The following TRIQK variants were observed in gnomAD, a reference collection of about 807,000 sequenced individuals.
The protein encoded by TRIQK is triple QxxK/R motif-containing protein.
TRIQK carries 10 observed loss-of-function variants against 10.8 expected under a neutral mutation model. The observed-to-expected ratio is 0.92, with a 90% confidence interval of 0.57 to 1.57. The LOEUF is 1.57. Ranked by LOEUF, TRIQK falls within the 40% of genes most tolerant of loss-of-function variation. The pLI, the probability that TRIQK is intolerant of heterozygous loss-of-function variation, is 0.00. For synonymous variants in TRIQK, 33 were observed against 33.7 expected (o/e 0.98, Z 0.07); for missense variants, 107 against 97.7 (o/e 1.09, Z -0.40).
intron 3 of TRIQK, among the ~76,000 whole-genome samples, chr8:92,893,017 T>G (rs1816838717): frequency 6.6e-6 from 1 of 152,010 alleles, no homozygotes; most frequent in South Asian, 2.1e-4. Flanking sequence ...ATTCTTATTT[T>G]GTTTTATTTT....
chr8:92,995,558 T>A (rs1394621301), intron 1 of TRIQK, among the ~76,000 whole-genome samples: 1 of 152,028 alleles, frequency 6.6e-6, no homozygotes, highest in Non-Finnish European at 1.5e-5. Context: ...TTTTTTCACA[T>A]TTTATTTTCA....
At chr8:92,973,651 T>C (rs1812898985) in intron 1 of TRIQK, 1 of 152,148 alleles carries the variant, frequency 6.6e-6, no homozygotes, top group South Asian at 2.1e-4. Context: ...TTAGTAAGGA[T>C]AAAATTTTTG....
chr8:92,975,635 T>A (rs537225137), intron 1 of TRIQK, among the ~76,000 whole-genome samples: 1 of 152,092 alleles, frequency 6.6e-6, no homozygotes, highest in Non-Finnish European at 1.5e-5. Context: ...CTTTTATTTT[T>A]ATTTTTTTCT....
At position 92,897,463 on chromosome 8, in the gene TRIQK, C is replaced by T. The variant is rs549225223; in HGVS notation, c.62-5389G>A. On this transcript the variant is annotated intron_variant, in intron 3 of 4. Coordinates refer to ENST00000521988, the MANE Select transcript of TRIQK (RefSeq NM_001171797.2). ...TTAAGAGATTATTAGGTCATAAGGG[C>T]TCTGCCCTCATGAATGAATTAGTTA... Among the ~76,000 whole-genome samples, 200 of 152,206 alleles carry T rather than the reference C, an allele frequency of 1.3e-3. 1 individual carries two copies. Among genetic ancestry groups the T allele is most frequent in the Non-Finnish European group, 1.7e-3 (115 of 68,022 alleles).
intron 2 of TRIQK, among the ~76,000 whole-genome samples, chr8:92,929,845 T>C (rs946708676): frequency 2.6e-5 from 4 of 152,166 alleles, no homozygotes; most frequent in East Asian, 3.8e-4. Flanking sequence ...GTTAATCTTC[T>C]GGATTATATT....
rs541118938 is a variant in TRIQK at position 92,899,136 on chromosome 8, A to C, written c.62-7062T>G. ...GTAACTGGGTTTACAGGCACATGAC[A>C]CCATGGCCAGCTAATTTTTGTATTT... On this transcript the variant is annotated intron_variant, in intron 3 of 4. Transcript: ENST00000521988. 6.0e-5 allele frequency among the ~76,000 whole-genome samples: 9 copies of C among 150,890 alleles called. No individual in the cohort carries two copies. The East Asian group carries it at 1.6e-3, about 26-fold the overall frequency.
At chr8:93,012,889 T>C (rs1296208390) in intron 1 of TRIQK, among the ~76,000 whole-genome samples, 1 of 152,202 alleles carries the variant, frequency 6.6e-6, no homozygotes, top group Non-Finnish European at 1.5e-5. Flanking sequence ...TAGCTCTAGA[T>C]GTATTGAATC....
intron 3 of TRIQK, among the ~76,000 whole-genome samples, chr8:92,904,945 T>C (rs551271432): frequency 6.6e-6 from 1 of 152,252 alleles, no homozygotes; most frequent in African/African-American, 2.4e-5. Flanking sequence ...CACACCTTAC[T>C]TACCATTACC....
chr8:92,886,637 G>T lies in TRIQK; in HGVS notation c.246C>A (p.Asp82Glu), dbSNP rs1394796357. The T allele has an allele frequency of 1.3e-6, 2 of 1,521,978 alleles. No homozygotes were observed. Among genetic ancestry groups the T allele is most frequent in the Non-Finnish European group, 1.8e-6 (2 of 1,137,864 alleles). The allele number at this position is 1,521,978 out of a possible 1,614,324, so 94.3% of individuals were successfully genotyped here. Residue 82 changes from aspartate (D) to glutamate (E), a missense_variant, in exon 5 of 5, where the codon GAC (aspartate) becomes GAA (glutamate). Asp to Glu is a conservative substitution (Grantham distance 45). Coordinates refer to ENST00000521988, the MANE Select transcript of TRIQK (RefSeq NM_001171797.2). ...RLTTDVDPDL[D>E]QDED ...TGTTGCTTAGCTAATCTTCATCTTG[G>T]TCCAGATCAGGGTCAACATCCGTGG...
chr8:92,912,444 T>C lies in TRIQK; in HGVS notation c.61+4485A>G, dbSNP rs183006205. ...AGGTAGTACTGAGAAAAAAGTTTAT[T>C]AACAATAAACAACTAGATTTAAAAA... On this transcript the variant is annotated intron_variant, in intron 3 of 4. Transcript: ENST00000521988. Among the ~76,000 whole-genome samples the C allele has an allele frequency of 2.6e-5, 4 of 151,842 alleles. No individual in the cohort carries two copies. In the East Asian group the frequency reaches 5.8e-4, roughly 22 times the overall value.
intron 1 of TRIQK, among the ~76,000 whole-genome samples, chr8:92,975,847 C>T (rs1458021761): frequency 6.6e-6 from 1 of 151,824 alleles, no homozygotes; most frequent in Non-Finnish European, 1.5e-5. Flanking sequence ...AGCTTCATCC[C>T]ATGAATTTGA....
chr8:92,900,715 C>T (rs530862797), intron 3 of TRIQK, among the ~76,000 whole-genome samples: 1 of 152,106 alleles, frequency 6.6e-6, no homozygotes, highest in South Asian at 2.1e-4. Context: ...ATGGCTTTTG[C>T]AATTCTGAGG....
chr8:92,896,820 CTTTT>C (rs554330610), intron 3 of TRIQK, among the ~76,000 whole-genome samples: 1 of 141,056 alleles, frequency 7.1e-6, no homozygotes, highest in Admixed American at 7.1e-5. Context: ...CTTTTTCTTT[CTTTT>C]TTTTTTTTTT....
chr8:92,934,445 T>C (rs1328481248), intron 2 of TRIQK, among the ~76,000 whole-genome samples: 2 of 152,060 alleles, frequency 1.3e-5, no homozygotes, highest in East Asian at 3.9e-4. Context: ...ATGGAAATTA[T>C]GTGTACTGAA....
intron 1 of TRIQK, among the ~76,000 whole-genome samples, chr8:92,999,910 T>C (rs1813191353): frequency 6.6e-6 from 1 of 152,198 alleles, no homozygotes; most frequent in Admixed American, 6.5e-5. Flanking sequence ...ACAAAAAACC[T>C]GCTTACTTTC....
intron 1 of TRIQK, among the ~76,000 whole-genome samples, chr8:92,984,514 T>C (rs966145461): frequency 2.0e-5 from 3 of 152,152 alleles, no homozygotes; most frequent in African/African-American, 7.2e-5. Context: ...AAAGAAAGCA[T>C]AATATAGGTC....
intron 1 of TRIQK, among the ~76,000 whole-genome samples, chr8:92,994,734 C>G (rs899967372): frequency 1.3e-5 from 2 of 151,968 alleles, no homozygotes; most frequent in Admixed American, 6.6e-5. Flanking sequence ...GATACCACCT[C>G]TGACCTTATA....
chr8:92,929,323 G>C (rs1039556480), intron 2 of TRIQK, among the ~76,000 whole-genome samples: 1 of 152,138 alleles, frequency 6.6e-6, no homozygotes, highest in African/African-American at 2.4e-5. Context: ...GCTGACGAGG[G>C]TGGAGGAGCA....
chr8:93,003,707 C>A (rs1022471475), intron 1 of TRIQK, among the ~76,000 whole-genome samples: 5 of 152,138 alleles, frequency 3.3e-5, no homozygotes, highest in Non-Finnish European at 7.4e-5. Context: ...CCTGTAAAAT[C>A]AAAAACAAGT....
Sources: gnomAD v4.1 joint callset for allele counts (sites outside exome capture counted in the v4.1 genomes callset) on GRCh38, gnomAD v4.1.1 for gene constraint, MANE v1.5 for transcripts, NCBI Gene and HGNC (gene_info 2026-07-23, HGNC 2026-07-21) for gene names.